The following CNTNAP2 variants were observed in gnomAD, a reference collection of about 807,000 sequenced individuals.
CNTNAP2 encodes the protein contactin-associated protein-like 2.
CNTNAP2 carries 98 observed loss-of-function variants against 155.2 expected under a neutral mutation model. The ratio of observed to expected loss-of-function variants is 0.63; its 90% CI spans 0.54 to 0.75. CNTNAP2 has a LOEUF of 0.75. Among genes scored for constraint, CNTNAP2 ranks in the 30% least tolerant of loss-of-function variants. The pLI is 0.00. For synonymous variants in CNTNAP2, 651 were observed against 631.2 expected (o/e 1.03, Z -0.47); for missense variants, 1,727 against 1,688.1 (o/e 1.02, Z -0.40).
chr7:146,234,664 T>A (rs568183723), intron 1 of CNTNAP2, among the ~76,000 whole-genome samples: 1 of 152,200 alleles, frequency 6.6e-6, no homozygotes, highest in East Asian at 1.9e-4. Flanking sequence ...GGGATCCAGT[T>A]TCAGCTTTCT....
At chr7:146,752,262 T>C (rs191163266) in intron 1 of CNTNAP2, among the ~76,000 whole-genome samples, 10 of 152,332 alleles carry the variant, frequency 6.6e-5, no homozygotes, top group Admixed American at 4.6e-4. Flanking sequence ...TGCATTCCTA[T>C]TTTTCCACAG....
At position 146,773,546 on chromosome 7, in the gene CNTNAP2, C is replaced by A. The variant is rs1302842229; in HGVS notation, c.98-725C>A. Among the ~76,000 whole-genome samples, 3 of 152,272 alleles carry A rather than the reference C, an allele frequency of 2.0e-5. No individual in the cohort carries two copies. The East Asian group carries it at 5.8e-4, about 29-fold the overall frequency. ...GAATACCTGGGATCACAGGCATGCA[C>A]CACCATGACCGGTTAATTTATCATT... On this transcript the variant is annotated intron_variant, in intron 1 of 23. Coordinates refer to ENST00000361727, the MANE Select transcript of CNTNAP2 (RefSeq NM_014141.6).
chr7:148,071,362 C>A (rs1803378695), intron 15 of CNTNAP2, among the ~76,000 whole-genome samples: 1 of 152,138 alleles, frequency 6.6e-6, no homozygotes, highest in African/African-American at 2.4e-5. Context: ...TGCATGTAAT[C>A]CCAGCTACTC....
intron 15 of CNTNAP2, among the ~76,000 whole-genome samples, chr7:148,008,412 A>C (rs1263577646): frequency 6.6e-6 from 1 of 152,116 alleles, no homozygotes; most frequent in African/African-American, 2.4e-5. Context: ...TGAAGCATTG[A>C]GATTAAAGTG....
chr7:148,172,428 A>T lies in CNTNAP2; in HGVS notation c.2960A>T (p.Tyr987Phe). ...AAATGCCTAGAGAGATACCACGGTTACTCCTGCGATTGCTCTAATACTGCA... is the reference window on the plus strand; with the variant it reads ...AAATGCCTAGAGAGATACCACGGTTTCTCCTGCGATTGCTCTAATACTGCA... ...GGKCLERYHGYSCDCSNTAYD... is the reference protein window; with the variant it reads ...GGKCLERYHGFSCDCSNTAYD... The change falls in exon 18 of 24, where the codon TAC becomes TTC. Residue 987 changes from tyrosine to phenylalanine, a missense_variant. Tyr to Phe is a conservative substitution (Grantham distance 22, BLOSUM62 3). Coordinates refer to ENST00000361727, the MANE Select transcript of CNTNAP2 (RefSeq NM_014141.6). 1.9e-6 allele frequency: 3 copies of T among 1,614,104 alleles called. No homozygotes were observed. Among genetic ancestry groups the T allele is most frequent in the Non-Finnish European group, 2.5e-6 (3 of 1,180,012 alleles).
At chr7:147,636,934 T>C (rs1446463579) in intron 12 of CNTNAP2, among the ~76,000 whole-genome samples, 1 of 152,074 alleles carries the variant, frequency 6.6e-6, no homozygotes, top group Non-Finnish European at 1.5e-5. Context: ...GAGTGGGTCC[T>C]GAGGGTGCCG....
At chr7:147,716,807 C>A (rs1212175622) in intron 13 of CNTNAP2, among the ~76,000 whole-genome samples, 1 of 152,124 alleles carries the variant, frequency 6.6e-6, no homozygotes, top group African/African-American at 2.4e-5. Context: ...GAAATAATTT[C>A]TTTCTACATT....
chr7:146,789,226 A>G (rs1802629873), intron 2 of CNTNAP2, among the ~76,000 whole-genome samples: 1 of 152,170 alleles, frequency 6.6e-6, no homozygotes, highest in South Asian at 2.1e-4. Flanking sequence ...ATAATTCACT[A>G]TTCTGTCCTC....
chr7:148,111,703 T>A (rs2116598464), intron 15 of CNTNAP2, among the ~76,000 whole-genome samples: 1 of 152,298 alleles, frequency 6.6e-6, no homozygotes, highest in African/African-American at 2.4e-5. Flanking sequence ...GAAAAAAATG[T>A]AGGTTGCATA....
At chr7:147,666,653 C>T (rs1174735273) in intron 13 of CNTNAP2, among the ~76,000 whole-genome samples, 1 of 152,176 alleles carries the variant, frequency 6.6e-6, no homozygotes, top group African/African-American at 2.4e-5. Flanking sequence ...TGTCTCTTGA[C>T]TGTATCATGT....
chr7:147,243,666 T>G (rs986106010), intron 8 of CNTNAP2, among the ~76,000 whole-genome samples: 1 of 152,196 alleles, frequency 6.6e-6, no homozygotes, highest in African/African-American at 2.4e-5. Context: ...AATGCAAAAT[T>G]TGTGGATAAA....
rs865862540 is a variant in CNTNAP2 at position 148,035,540 on chromosome 7, C to T, written c.2383+57551C>T. 3.3e-5 allele frequency among the ~76,000 whole-genome samples: 5 copies of T among 152,228 alleles called. No homozygotes were observed. The South Asian group carries it at 1.0e-3, about 32-fold the overall frequency. On this transcript the variant is annotated intron_variant, in intron 15 of 23. Coordinates refer to ENST00000361727, the MANE Select transcript of CNTNAP2 (RefSeq NM_014141.6). ...AGTATAAGGGTAATCTTTGGTGGTA[C>T]CTATATGGTGCTTATTTTGTAGGCA...
At chr7:146,810,748 T>G (rs921244893) in intron 2 of CNTNAP2, among the ~76,000 whole-genome samples, 2 of 152,154 alleles carry the variant, frequency 1.3e-5, no homozygotes, top group Admixed American at 1.3e-4. Flanking sequence ...CTGTTCACCA[T>G]TAAGAGTAAT....
chr7:147,412,732 A>G (rs1797125459), intron 10 of CNTNAP2, among the ~76,000 whole-genome samples: 3 of 152,354 alleles, frequency 2.0e-5, no homozygotes, highest in African/African-American at 7.2e-5. Context: ...GCAATGCTTT[A>G]TGAGTGAAAT....
At chr7:146,940,245 C>T (rs906917809) in intron 3 of CNTNAP2, among the ~76,000 whole-genome samples, 2 of 151,866 alleles carry the variant, frequency 1.3e-5, no homozygotes, top group East Asian at 1.9e-4. Flanking sequence ...CTTGCTCTGT[C>T]GCCAGGCTGG....
At chr7:147,204,889 A>G (rs1373721922) in intron 8 of CNTNAP2, among the ~76,000 whole-genome samples, 1 of 152,158 alleles carries the variant, frequency 6.6e-6, no homozygotes, top group Admixed American at 6.5e-5. Context: ...TCTCTTCAGC[A>G]TGAAACAAAT....
chr7:148,108,553 G>A lies in CNTNAP2; in HGVS notation c.2384-9565G>A, dbSNP rs76876808. On this transcript the variant is annotated intron_variant, in intron 15 of 23. Coordinates refer to ENST00000361727, the MANE Select transcript of CNTNAP2 (RefSeq NM_014141.6). ...TCAATCCTGGGGTTTGCTGCTCCCCGTGGTTGGAACTGGAGGACATAATGC... is the reference window on the plus strand; with the variant it reads ...TCAATCCTGGGGTTTGCTGCTCCCCATGGTTGGAACTGGAGGACATAATGC... Among the ~76,000 whole-genome samples, 1,357 of 152,240 alleles carry A rather than the reference G, an allele frequency of 8.9e-3. 22 individuals carry two copies. Among genetic ancestry groups the A allele is most frequent in the African/African-American group, 0.031 (1,279 of 41,534 alleles).
chr7:146,686,802 C>T (rs1351885945), intron 1 of CNTNAP2, among the ~76,000 whole-genome samples: 1 of 152,134 alleles, frequency 6.6e-6, no homozygotes, highest in Admixed American at 6.6e-5. Flanking sequence ...CTATACACTA[C>T]TTTAAAATGG....
chr7:148,079,521 T>C (rs1424200585), intron 15 of CNTNAP2, among the ~76,000 whole-genome samples: 4 of 152,168 alleles, frequency 2.6e-5, no homozygotes, highest in Non-Finnish European at 4.4e-5. Context: ...ATGTTTCTTA[T>C]CAGACTTAAA....
Sources: allele counts gnomAD v4.1 joint callset (sites outside exome capture counted in the v4.1 genomes callset), GRCh38; gene constraint gnomAD v4.1.1; transcripts MANE v1.5; gene names NCBI Gene and HGNC (gene_info 2026-07-23, HGNC 2026-07-21).